RBPMS: variants seen among roughly 807,000 people sequenced by gnomAD.
RBPMS encodes the protein RNA binding protein, mRNA processing factor.
RBPMS carries 7 observed loss-of-function variants against 26.8 expected under a neutral mutation model. The ratio of observed to expected loss-of-function variants is 0.26; its 90% CI spans 0.15 to 0.49. The LOEUF is 0.49. Among genes scored for constraint, RBPMS ranks in the 20% least tolerant of loss-of-function variants. The pLI is 0.98. For missense variants in RBPMS, 186 were observed against 250.0 expected, an observed-to-expected ratio of 0.74 and a Z score of 1.73; for synonymous variants, 96 against 93.3, an observed-to-expected ratio of 1.03 and a Z score of -0.17.
chr8:30,542,012 C>T (rs1385684164), intron 5 of RBPMS, among the ~76,000 whole-genome samples: 3 of 152,212 alleles, frequency 2.0e-5, no homozygotes, highest in Non-Finnish European at 4.4e-5. Flanking sequence ...GGTCAGACCA[C>T]GTATCTTTTG....
chr8:30,455,463 A>G (rs574895772), intron 1 of RBPMS, among the ~76,000 whole-genome samples: 42 of 152,304 alleles, frequency 2.8e-4, no homozygotes, highest in South Asian at 2.1e-3. Flanking sequence ...TGACTGTGGT[A>G]TAAACAATGC....
chr8:30,478,522 A>G (rs544304164), intron 3 of RBPMS, among the ~76,000 whole-genome samples: 5 of 145,484 alleles, frequency 3.4e-5, no homozygotes, highest in African/African-American at 1.3e-4. Flanking sequence ...TTTTTTTGAG[A>G]CGGAGTCTCA....
intron 1 of RBPMS, among the ~76,000 whole-genome samples, chr8:30,434,853 G>A (rs534828915): frequency 5.3e-5 from 8 of 151,960 alleles, no homozygotes; most frequent in African/African-American, 1.7e-4. Flanking sequence ...AGGGAATTCC[G>A]TTTAATCTGC....
At chr8:30,554,513 TCTCTAATGTCCTTGA>T (rs879540725) in intron 6 of RBPMS, among the ~76,000 whole-genome samples, 2 of 152,082 alleles carry the variant, frequency 1.3e-5, no homozygotes, top group African/African-American at 2.4e-5. Context: ...TGTGCATTTC[TCTCTAATGTCCTTGA>T]CATTAGAGCA....
rs1828265470 is a variant in RBPMS, at chr8:30,571,870, G to GTCTT, written c.*1348_*1351dup. The stretch of plus-strand genomic sequence containing the variant: ...GACCTAAATTCAGCTGCCAAACACA[G>GTCTT]TCTTTCCTATTGATCCGCTCGGCTT... On this transcript the variant is annotated 3_prime_UTR_variant, in exon 9 of 9. Transcript: ENST00000397323. 1.3e-5 allele frequency: 2 copies of GTCTT among 152,218 alleles called. No individual in the cohort carries two copies. The highest frequency in any genetic ancestry group is 2.1e-4 in the South Asian group (1 of 4,830). The allele number at this position is 152,218 out of a possible 1,614,324, so 9.4% of individuals were successfully genotyped here. A position where few individuals can be genotyped will look rare whatever the true frequency, so the allele number is the denominator to read the frequency against.
At chr8:30,414,407 T>G (rs1342004265) in intron 1 of RBPMS, among the ~76,000 whole-genome samples, 1 of 152,158 alleles carries the variant, frequency 6.6e-6, no homozygotes, top group Non-Finnish European at 1.5e-5. Flanking sequence ...GTAGGCCAGG[T>G]CTGTTGCTGG....
chr8:30,467,144 G>T (rs191366391), intron 1 of RBPMS, among the ~76,000 whole-genome samples: 1 of 152,270 alleles, frequency 6.6e-6, no homozygotes, highest in East Asian at 1.9e-4. Flanking sequence ...TGCTTGACAG[G>T]CCATATTAAT....
chr8:30,518,217 T>C (rs1453129426), intron 5 of RBPMS, among the ~76,000 whole-genome samples: 1 of 152,232 alleles, frequency 6.6e-6, no homozygotes, highest in Non-Finnish European at 1.5e-5. Flanking sequence ...ACATTTACTA[T>C]GTTACACATT....
In RBPMS at chr8:30,549,505, TGAA is replaced by T. The variant is rs1465590811; in HGVS notation, c.528+4883_528+4885del. On this transcript the variant is annotated intron_variant, in intron 6 of 8. Coordinates refer to ENST00000397323, the MANE Select transcript of RBPMS (RefSeq NM_001008710.3). ...CTTTTCCTCTCAACCTGCAGCTCTG[TGAA>T]GGTCAGACTGTGAGGAGAAGCCACC... The T allele has an allele frequency of 4.3e-6, 7 of 1,613,056 alleles. No homozygotes were observed. The East Asian group carries it at 1.6e-4, about 36-fold the overall frequency.
chr8:30,502,940 CGCT>C, intron 4 of RBPMS, among the ~76,000 whole-genome samples: 1 of 141,252 alleles, frequency 7.1e-6, no homozygotes, highest in South Asian at 2.2e-4. Context: ...ACTATCTGTT[CGCT>C]TTTTGGTGTT....
intron 5 of RBPMS, chr8:30,537,531 G>GACATAGAGAATATGTCTTT (rs540051644): frequency 1.8e-5 from 8 of 456,076 alleles, no homozygotes; most frequent in Non-Finnish European, 2.6e-5. Context: ...GAATGAGAAA[G>GACATAGAGAATATGTCTTT]ACATAGAGAA....
Position 30,539,223 on chromosome 8 carries a change from G to A in RBPMS, c.398-5271G>A, listed in dbSNP as rs114828631. Among the ~76,000 whole-genome samples, 310 of 152,038 alleles carry A rather than the reference G, an allele frequency of 2.0e-3. 2 individuals are homozygous for A. The highest frequency in any genetic ancestry group is 6.8e-3 in the African/African-American group (283 of 41,444). On this transcript the variant is annotated intron_variant, in intron 5 of 8. Coordinates refer to ENST00000397323, the MANE Select transcript of RBPMS (RefSeq NM_001008710.3). ...TTTCCTGGCCAAATTCTTCATCTAC[G>A]AGGCAAGCTCTCCTGGAAGACTCTG...
At chr8:30,532,949 T>C (rs1271697403) in intron 5 of RBPMS, among the ~76,000 whole-genome samples, 1 of 152,148 alleles carries the variant, frequency 6.6e-6, no homozygotes, top group Non-Finnish European at 1.5e-5. Flanking sequence ...AAATCTGGGC[T>C]GGAAACATAA....
intron 5 of RBPMS, among the ~76,000 whole-genome samples, chr8:30,522,616 G>A (rs1339913292): frequency 1.3e-5 from 2 of 152,106 alleles, no homozygotes; most frequent in Non-Finnish European, 2.9e-5. Context: ...AAAAAGGATA[G>A]GAGGAAACTT....
intron 1 of RBPMS, among the ~76,000 whole-genome samples, chr8:30,391,688 T>C (rs1233191069): frequency 1.3e-5 from 2 of 152,156 alleles, no homozygotes; most frequent in Non-Finnish European, 2.9e-5. Flanking sequence ...GAGAATATTG[T>C]AAACAATTTT....
rs1474165020 is a variant in RBPMS at position 30,528,985 on chromosome 8, G to T, written c.398-15509G>T. ...AATCCCAGCGCTTTTGGGGGCCGAGGTGGGTGGATCACTTGAGGTTAGGAG... is the reference window on the plus strand; with the variant it reads ...AATCCCAGCGCTTTTGGGGGCCGAGTTGGGTGGATCACTTGAGGTTAGGAG... On this transcript the variant is annotated intron_variant, in intron 5 of 8. Coordinates refer to ENST00000397323, the MANE Select transcript of RBPMS (RefSeq NM_001008710.3). 4.6e-5 allele frequency among the ~76,000 whole-genome samples: 7 copies of T among 152,184 alleles called. No individual in the cohort carries two copies. In the East Asian group the frequency reaches 1.4e-3, roughly 29 times the overall value.
intron 5 of RBPMS, among the ~76,000 whole-genome samples, chr8:30,518,363 C>T (rs1397324199): frequency 6.6e-6 from 1 of 152,076 alleles, no homozygotes; most frequent in Non-Finnish European, 1.5e-5. Context: ...GAATCCAGGA[C>T]CTCGAGGTTG....
intron 1 of RBPMS, chr8:30,387,268 G>A (rs1024618349): frequency 1.3e-5 from 2 of 152,154 alleles, no homozygotes; most frequent in African/African-American, 4.8e-5. Context: ...TGAAGAGAGG[G>A]GGGTTTATAA....
At chr8:30,408,205 A>G (rs1284511211) in intron 1 of RBPMS, among the ~76,000 whole-genome samples, 2 of 152,162 alleles carry the variant, frequency 1.3e-5, no homozygotes. Context: ...CCCTTAGTCC[A>G]TCTAACACGA....
Sources: gnomAD v4.1 joint callset for allele counts (sites outside exome capture counted in the v4.1 genomes callset) on GRCh38, gnomAD v4.1.1 for gene constraint, MANE v1.5 for transcripts, NCBI Gene and HGNC (gene_info 2026-07-23, HGNC 2026-07-21) for gene names.